Variants in ITGBL1 observed in about 807,000 individuals in gnomAD.
ITGBL1 encodes integrin beta-like protein 1.
In ITGBL1, 51 loss-of-function variants were observed where a neutral mutation model predicts 68.5. That is an observed-to-expected ratio of 0.74 (90% CI 0.59 to 0.94). The LOEUF (loss-of-function observed/expected upper bound fraction) is 0.94. Ranked by LOEUF, ITGBL1 falls within the 40% of genes least tolerant of loss-of-function variation. The probability of loss-of-function intolerance (pLI) is 0.00; values close to 1 mark genes in which losing one functional copy is unlikely to be tolerated. For missense variants in ITGBL1, 649 were observed against 647.4 expected (o/e 1.00, Z -0.03); for synonymous variants, 209 against 227.3 (o/e 0.92, Z 0.72).
At chr13:101,495,584 T>G (rs1357786268) in intron 2 of ITGBL1, among the ~76,000 whole-genome samples, 1 of 149,256 alleles carries the variant, frequency 6.7e-6, no homozygotes, top group Non-Finnish European at 1.5e-5. Context: ...TCCCCACACT[T>G]TTTTTTTTTG....
intron 7 of ITGBL1, 129 bp from the exon 8 acceptor site, chr13:101,692,456 G>A (rs773671197): frequency 2.6e-5 from 17 of 664,702 alleles, no homozygotes; most frequent in Non-Finnish European, 4.4e-5. Context: ...GTGTATTTGT[G>A]TAACTATTAT....
chr13:101,656,641 A>G (rs1417795099), intron 7 of ITGBL1, among the ~76,000 whole-genome samples: 1 of 152,186 alleles, frequency 6.6e-6, no homozygotes, highest in African/African-American at 2.4e-5. Flanking sequence ...AGTAAGGATC[A>G]CCCACTTAAC....
rs150279140 is a variant in ITGBL1, at chr13:101,706,325, C to T, written c.1133-431C>T. ...AAATGCCATTTGTATGAAAGTTACC[C>T]TTTTGTTTTATTAGTAAGCAATAGG... On this transcript the variant is annotated intron_variant, in intron 8 of 10. Transcript: ENST00000376180. Among the ~76,000 whole-genome samples, 311 of 152,248 alleles carry T rather than the reference C, an allele frequency of 2.0e-3. 1 individual carries two copies. The highest frequency in any genetic ancestry group is 6.7e-3 in the African/African-American group (279 of 41,548).
chr13:101,651,045 C>T (rs1422492526), intron 7 of ITGBL1, among the ~76,000 whole-genome samples: 1 of 152,140 alleles, frequency 6.6e-6, no homozygotes, highest in Non-Finnish European at 1.5e-5. Flanking sequence ...TTTAGTCTAT[C>T]ATTGATGGGC....
intron 2 of ITGBL1, among the ~76,000 whole-genome samples, chr13:101,554,808 T>A (rs2049979264): frequency 6.6e-6 from 1 of 152,204 alleles, no homozygotes; most frequent in Non-Finnish European, 1.5e-5. Flanking sequence ...TTCTATGCAT[T>A]TCTCATACTG....
intron 7 of ITGBL1, among the ~76,000 whole-genome samples, chr13:101,643,937 G>A (rs1335985777): frequency 6.6e-6 from 1 of 152,188 alleles, no homozygotes; most frequent in Non-Finnish European, 1.5e-5. Context: ...GTAAACTGGC[G>A]GTCCTCCAGA....
chr13:101,569,526 G>A (rs2050239561), intron 3 of ITGBL1, among the ~76,000 whole-genome samples: 1 of 152,092 alleles, frequency 6.6e-6, no homozygotes, highest in Non-Finnish European at 1.5e-5. Context: ...ACCCAGTAAT[G>A]TCCTGTATAG....
At chr13:101,646,702 AAAG>A (rs1161574606) in intron 7 of ITGBL1, among the ~76,000 whole-genome samples, 1 of 152,166 alleles carries the variant, frequency 6.6e-6, no homozygotes, top group African/African-American at 2.4e-5. Flanking sequence ...ATATTGGAAA[AAAG>A]AAAGCAACCT....
chr13:101,627,185 T>G (rs2031814212), intron 7 of ITGBL1, among the ~76,000 whole-genome samples: 1 of 152,224 alleles, frequency 6.6e-6, no homozygotes, highest in South Asian at 2.1e-4. Context: ...ATAAGATTCC[T>G]CTTTCATGTA....
At chr13:101,609,976 G>A (rs950435536) in intron 7 of ITGBL1, among the ~76,000 whole-genome samples, 2 of 151,960 alleles carry the variant, frequency 1.3e-5, no homozygotes, top group East Asian at 1.9e-4. Flanking sequence ...GAAATTCTTT[G>A]GCTAAGATAA....
intron 7 of ITGBL1, among the ~76,000 whole-genome samples, chr13:101,651,722 G>A (rs773570763): frequency 4.0e-5 from 6 of 151,892 alleles, no homozygotes; most frequent in Admixed American, 2.0e-4. Context: ...TGCTTTTGAC[G>A]TTTTCATCAT....
chr13:101,476,717 A>G (rs1566691755), intron 2 of ITGBL1, among the ~76,000 whole-genome samples: 1 of 152,188 alleles, frequency 6.6e-6, no homozygotes, highest in Admixed American at 6.6e-5. Context: ...ATGTCAGACA[A>G]TATAGATTTC....
At chr13:101,598,018 G>C (rs1342734226) in intron 6 of ITGBL1, 135 bp from the exon 7 acceptor site, 4 of 701,148 alleles carry the variant, frequency 5.7e-6, no homozygotes, top group Non-Finnish European at 8.8e-6. Flanking sequence ...AGAAAAATGT[G>C]CGTTTGCCTT....
intron 2 of ITGBL1, among the ~76,000 whole-genome samples, chr13:101,474,275 A>G (rs1355641366): frequency 6.6e-6 from 1 of 152,116 alleles, no homozygotes; most frequent in Non-Finnish European, 1.5e-5. Context: ...CTGAGCCTTG[A>G]GTGAACATTG....
At chr13:101,468,580 G>A (rs907419024) in intron 2 of ITGBL1, among the ~76,000 whole-genome samples, 1 of 152,102 alleles carries the variant, frequency 6.6e-6, no homozygotes, top group Non-Finnish European at 1.5e-5. Flanking sequence ...CACATATGTA[G>A]GGATAATTTC....
chr13:101,632,527 T>C (rs1206262805), intron 7 of ITGBL1, among the ~76,000 whole-genome samples: 1 of 152,160 alleles, frequency 6.6e-6, no homozygotes, highest in East Asian at 1.9e-4. Flanking sequence ...GTCACATAGG[T>C]GTTAACCCAA....
chr13:101,699,553 G>A (rs936925394), intron 8 of ITGBL1, among the ~76,000 whole-genome samples: 4 of 152,026 alleles, frequency 2.6e-5, no homozygotes, highest in Non-Finnish European at 5.9e-5. Context: ...CCCTTCACTC[G>A]ACTCTCATAC....
At chr13:101,651,952 G>A (rs550349747) in intron 7 of ITGBL1, among the ~76,000 whole-genome samples, 15 of 152,078 alleles carry the variant, frequency 9.9e-5, no homozygotes, top group South Asian at 4.1e-4. Flanking sequence ...GCTTGTTTTC[G>A]TCAGGTTTGT....
chr13:101,684,643 G>A (rs891329857), intron 7 of ITGBL1, among the ~76,000 whole-genome samples: 4 of 151,822 alleles, frequency 2.6e-5, no homozygotes, highest in African/African-American at 9.7e-5. Context: ...ACAGTTTTCG[G>A]TTAAGTAATT....
Sources: allele counts gnomAD v4.1 joint callset (sites outside exome capture counted in the v4.1 genomes callset), GRCh38; gene constraint gnomAD v4.1.1; transcripts MANE v1.5; gene names NCBI Gene and HGNC (gene_info 2026-07-23, HGNC 2026-07-21).